Variants in CCDC125 observed in about 807,000 individuals in gnomAD.
The protein encoded by CCDC125 is coiled-coil domain containing 125.
CCDC125 carries 43 observed loss-of-function variants against 57.4 expected under a neutral mutation model. That is an observed-to-expected ratio of 0.75 (90% CI 0.59 to 0.97). The LOEUF is 0.97. Ranked by LOEUF, CCDC125 falls within the 50% of genes least tolerant of loss-of-function variation. The pLI, the probability that CCDC125 is intolerant of heterozygous loss-of-function variation, is 0.00. For synonymous variants in CCDC125, 187 were observed against 195.2 expected, an observed-to-expected ratio of 0.96 and a Z score of 0.35; for missense variants, 563 against 595.7, an observed-to-expected ratio of 0.95 and a Z score of 0.57.
rs1447716868 is a variant in CCDC125, at chr5:69,300,144, G to A, written c.701-17C>T. On this transcript the variant is annotated splice_polypyrimidine_tract_variant and intron_variant, in intron 7 of 11. Transcript: ENST00000396496. ...GATTCAAAACTAGGAAGGGCCATAT[G>A]AGAAAGTATTCATTATGAAGCCTAA... 1 of 1,570,382 alleles carries A rather than the reference G, an allele frequency of 6.4e-7. No individual in the cohort carries two copies. The highest frequency in any genetic ancestry group is 8.8e-7 in the Non-Finnish European group (1 of 1,140,148).
Position 69,286,188 on chromosome 5 carries a change from CTATATATATATATATATATATA to C in CCDC125, c.1100-743_1100-722del, listed in dbSNP as rs59035946. On this transcript the variant is annotated intron_variant, in intron 10 of 11. Transcript: ENST00000396496. Reference sequence around the variant, plus strand: ...ACTTAAAAACAGTTCAAATGGTAAACTATATATATATATATATATATATATATATATATATATATATATATAA... The same window carrying C: ...ACTTAAAAACAGTTCAAATGGTAAACTATATATATATATATATATATATAA... 5.6e-3 allele frequency among the ~76,000 whole-genome samples: 285 copies of C among 51,340 alleles called. 3 individuals are homozygous for C. The highest frequency in any genetic ancestry group is 0.017 in the African/African-American group (220 of 12,746). 33.7% of individuals were successfully genotyped at this position (51,340 alleles called of 152,430 possible). A position where few individuals can be genotyped will look rare whatever the true frequency, so the allele number is the denominator to read the frequency against.
At chr5:69,299,623 T>G (rs1489566687) in intron 8 of CCDC125, among the ~76,000 whole-genome samples, 1 of 152,232 alleles carries the variant, frequency 6.6e-6, no homozygotes, top group Non-Finnish European at 1.5e-5. Context: ...TAGTTTCCTC[T>G]TCTCTAAAAT....
At chr5:69,320,050 G>C (rs1283015944) in intron 2 of CCDC125, among the ~76,000 whole-genome samples, 187 bp downstream of exon 2, 2 of 152,082 alleles carry the variant, frequency 1.3e-5, no homozygotes, top group Non-Finnish European at 2.9e-5. Context: ...GAACCCGGGG[G>C]GTGGAGGTTG....
In CCDC125 at chr5:69,285,321, A is replaced by AC. The variant is rs1753156613; in HGVS notation, c.1230+15_1230+16insG. Reference sequence around the variant, plus strand: ...TGGCTTAACCATAACCTGCAAAAAAAAGCAAAGACACTAACCAAATCTATG... The same window carrying AC: ...TGGCTTAACCATAACCTGCAAAAAAACAGCAAAGACACTAACCAAATCTATG... On this transcript the variant is annotated intron_variant, in intron 11 of 11. Coordinates refer to ENST00000396496, the MANE Select transcript of CCDC125 (RefSeq NM_176816.5). 1.2e-6 allele frequency: 2 copies of AC among 1,609,152 alleles called. No individual in the cohort carries two copies. The highest frequency in any genetic ancestry group is 4.5e-5 in the East Asian group (2 of 44,772).
chr5:69,309,593 C>A, intron 4 of CCDC125: 1 of 152,374 alleles, frequency 6.6e-6, no homozygotes, highest in Non-Finnish European at 1.5e-5. Context: ...AGGGATGGGG[C>A]TCTCATGGAG....
At chr5:69,300,950 G>A (rs546936829) in intron 7 of CCDC125, among the ~76,000 whole-genome samples, 1 of 149,984 alleles carries the variant, frequency 6.7e-6, no homozygotes, top group South Asian at 2.2e-4. Flanking sequence ...GGAGTGCAGT[G>A]GTCCAATCAT....
chr5:69,278,779 C>T (rs1198080822), downstream of CCDC125, among the ~76,000 whole-genome samples: 1 of 142,674 alleles, frequency 7.0e-6, no homozygotes, highest in East Asian at 2.1e-4. Context: ...TGGCTCACTG[C>T]AGCTTCGAAC....
In CCDC125 at chr5:69,281,805, A is replaced by T. The variant is rs571027099; in HGVS notation, c.*924T>A. On this transcript the variant is annotated 3_prime_UTR_variant, in exon 12 of 12. Coordinates refer to ENST00000396496, the MANE Select transcript of CCDC125 (RefSeq NM_176816.5). ...TTGATTTAGCCAAGCTAAGATCCCT[A>T]TAGTCAATCAAAATAGTTAAATAAT... 4.6e-5 allele frequency: 7 copies of T among 152,206 alleles called. No individual in the cohort carries two copies. In the South Asian group the frequency reaches 1.4e-3, roughly 32 times the overall value. The allele number at this position is 152,206 out of a possible 1,614,324, so 9.4% of individuals were successfully genotyped here.
downstream of CCDC125, among the ~76,000 whole-genome samples, chr5:69,280,016 A>G (rs1463231342): frequency 6.6e-6 from 1 of 152,150 alleles, no homozygotes; most frequent in East Asian, 1.9e-4. Flanking sequence ...AGAACTCACA[A>G]TCATGAGAAC....
chr5:69,278,818 T>C (rs1752327419), downstream of CCDC125, among the ~76,000 whole-genome samples: 2 of 150,106 alleles, frequency 1.3e-5, no homozygotes, highest in African/African-American at 2.4e-5. Flanking sequence ...CTTCCACCTC[T>C]GTCCCCAGTA....
chr5:69,279,697 G>A (rs1752375666), downstream of CCDC125, among the ~76,000 whole-genome samples: 1 of 152,052 alleles, frequency 6.6e-6, no homozygotes, highest in Non-Finnish European at 1.5e-5. Flanking sequence ...GTGTAGACAG[G>A]GAGCTGCCAA....
At chr5:69,307,282 A>G (rs972753043) in intron 5 of CCDC125, among the ~76,000 whole-genome samples, 9 of 151,990 alleles carry the variant, frequency 5.9e-5, no homozygotes, top group African/African-American at 1.9e-4. Flanking sequence ...AGGAGACATG[A>G]CCATCTAGGA....
intron 10 of CCDC125, among the ~76,000 whole-genome samples, chr5:69,286,206 AT>A (rs1233321050): frequency 2.3e-4 from 27 of 116,334 alleles, no homozygotes; most frequent in South Asian, 3.1e-4. Flanking sequence ...ATATATATAT[AT>A]ATATATATAT....
downstream of CCDC125, chr5:69,276,580 C>A: frequency 6.2e-7 from 1 of 1,613,540 alleles, no homozygotes; most frequent in Non-Finnish European, 8.5e-7. Context: ...CGGCCAGGGC[C>A]AACACCTGGA....
chr5:69,273,615 C>T, the CCDC125 span, among the ~76,000 whole-genome samples: 1 of 152,022 alleles, frequency 6.6e-6, no homozygotes, highest in South Asian at 2.1e-4. Flanking sequence ...AAGGAAATAA[C>T]AAACTCATGA....
chr5:69,325,374 C>T (rs1760600965), intron 1 of CCDC125, among the ~76,000 whole-genome samples: 1 of 151,242 alleles, frequency 6.6e-6, no homozygotes, highest in African/African-American at 2.4e-5. Flanking sequence ...TTGTTGCCTG[C>T]TTTCCATGTG....
At chr5:69,290,570 T>C (rs568185146) in intron 10 of CCDC125, among the ~76,000 whole-genome samples, 3 of 151,184 alleles carry the variant, frequency 2.0e-5, no homozygotes, top group African/African-American at 4.8e-5. Context: ...GCCAAAGTGC[T>C]GGGATTACAG....
chr5:69,328,161 G>T lies in CCDC125; in HGVS notation c.-41+4488C>A, dbSNP rs1760959043. ...TCCGCTCACCTCTGTCTGCCAAAGT[G>T]CTGGGATTATAGGCGTGAGCCACCA... is the stretch of plus-strand genomic sequence containing the variant. On this transcript the variant is annotated intron_variant, in intron 1 of 11. Transcript: ENST00000396496. 2.6e-5 allele frequency among the ~76,000 whole-genome samples: 4 copies of T among 152,174 alleles called. No homozygotes were observed. In the South Asian group the frequency reaches 8.3e-4, roughly 32 times the overall value.
Position 69,306,022 on chromosome 5 carries a change from G to T in CCDC125, c.617+795C>A, listed in dbSNP as rs559762445. 2.6e-5 allele frequency among the ~76,000 whole-genome samples: 4 copies of T among 152,006 alleles called. No individual in the cohort carries two copies. In the South Asian group the frequency reaches 6.2e-4, roughly 24 times the overall value. ...TCACACAAATAAAAGTTGTTCCAAAGATATTTTTTCTCTTTTTGGAGCTGA... is the reference window on the plus strand; with the variant it reads ...TCACACAAATAAAAGTTGTTCCAAATATATTTTTTCTCTTTTTGGAGCTGA... On this transcript the variant is annotated intron_variant, in intron 6 of 11. Transcript: ENST00000396496.
Sources: gnomAD v4.1 joint callset for allele counts (sites outside exome capture counted in the v4.1 genomes callset) on GRCh38, gnomAD v4.1.1 for gene constraint, MANE v1.5 for transcripts, NCBI Gene and HGNC (gene_info 2026-07-23, HGNC 2026-07-21) for gene names.